RIPOR3: variants seen among roughly 807,000 people sequenced by gnomAD.
RIPOR3 encodes the protein family with sequence similarity 65 member C.
In RIPOR3, 95 loss-of-function variants were observed where a neutral mutation model predicts 114.3. The observed-to-expected ratio is 0.83, with a 90% CI of 0.70 to 0.99. The LOEUF (loss-of-function observed/expected upper bound fraction) is 0.99. Ranked by LOEUF, RIPOR3 falls within the 50% of genes least tolerant of loss-of-function variation. The pLI, the probability that RIPOR3 is intolerant of heterozygous loss-of-function variation, is 0.00. For missense variants in RIPOR3, 1,252 were observed against 1,266.9 expected, an observed-to-expected ratio of 0.99 and a Z score of 0.18; for synonymous variants, 575 against 543.8, an observed-to-expected ratio of 1.06 and a Z score of -0.80.
intron 2 of RIPOR3, among the ~76,000 whole-genome samples, chr20:50,629,339 A>G (rs1004625777): frequency 6.6e-6 from 1 of 152,144 alleles, no homozygotes; most frequent in African/African-American, 2.4e-5. Flanking sequence ...AGACAGACAG[A>G]GGTTTGGCCC....
At chr20:50,690,539 ACCT>A (rs2087176197) in intron 1 of RIPOR3, among the ~76,000 whole-genome samples, 1 of 151,864 alleles carries the variant, frequency 6.6e-6, no homozygotes, top group South Asian at 2.1e-4. Context: ...CTCCATCCAT[ACCT>A]CCTTCTCCTT....
At position 50,666,849 on chromosome 20, in the gene RIPOR3, C is replaced by T. The variant is rs575577369; in HGVS notation, c.3+24277G>A. Reference sequence around the variant, plus strand: ...TGCTGGGATTACAGGCGTGAGTCACCGCGACCAGCCTAGGACACCTATTTC... The same window carrying T: ...TGCTGGGATTACAGGCGTGAGTCACTGCGACCAGCCTAGGACACCTATTTC... On this transcript the variant is annotated intron_variant, in intron 1 of 21. Transcript: ENST00000327979. Among the ~76,000 whole-genome samples, 13 of 152,232 alleles carry T rather than the reference C, an allele frequency of 8.5e-5. No individual in the cohort carries two copies. The South Asian group carries it at 2.1e-3, about 24-fold the overall frequency.
At chr20:50,654,538 G>A (rs1310871923) in intron 1 of RIPOR3, among the ~76,000 whole-genome samples, 1 of 143,576 alleles carries the variant, frequency 7.0e-6, no homozygotes, top group Admixed American at 7.7e-5. Context: ...GTTTTTGTCT[G>A]CGTGGTTCAC....
chr20:50,589,897 G>A, intron 19 of RIPOR3, 128 bp from the exon 20 acceptor site: 1 of 740,762 alleles, frequency 1.3e-6, no homozygotes, highest in Non-Finnish European at 2.4e-6. Context: ...CAACGTTCAG[G>A]ACACGATCGG....
intron 14 of RIPOR3, among the ~76,000 whole-genome samples, chr20:50,596,807 G>C (rs1011052665): frequency 5.3e-5 from 8 of 152,228 alleles, no homozygotes; most frequent in African/African-American, 1.9e-4. Flanking sequence ...GCTCTTCCAT[G>C]TGGTGAGATG....
intron 1 of RIPOR3, among the ~76,000 whole-genome samples, chr20:50,660,832 G>A (rs1017928413): frequency 1.5e-5 from 2 of 133,650 alleles, no homozygotes; most frequent in Non-Finnish European, 3.0e-5. Flanking sequence ...ACAGCTCACT[G>A]TAGGCTCGAC....
At chr20:50,588,377 T>C (rs987295583) in intron 20 of RIPOR3, among the ~76,000 whole-genome samples, 42 of 152,232 alleles carry the variant, frequency 2.8e-4, no homozygotes, top group African/African-American at 9.6e-4. Context: ...CTTCTCCTCT[T>C]AGAATTTCCT....
chr20:50,590,952 C>T (rs984047407), intron 19 of RIPOR3, among the ~76,000 whole-genome samples: 4 of 151,838 alleles, frequency 2.6e-5, no homozygotes, highest in Non-Finnish European at 5.9e-5. Context: ...AAACAAAATA[C>T]ACCTGACTTC....
At chr20:50,682,176 T>C (rs2086881320) in intron 1 of RIPOR3, among the ~76,000 whole-genome samples, 1 of 151,704 alleles carries the variant, frequency 6.6e-6, no homozygotes, top group African/African-American at 2.4e-5. Flanking sequence ...AACTGACAAA[T>C]GGAAACAACC....
At chr20:50,613,459 AAAG>A (rs1471652007) in intron 4 of RIPOR3, among the ~76,000 whole-genome samples, 6 of 150,670 alleles carry the variant, frequency 4.0e-5, no homozygotes. Context: ...TCCCGAAAAA[AAAG>A]AAAAGAAAAG....
intron 1 of RIPOR3, among the ~76,000 whole-genome samples, chr20:50,670,647 C>T (rs910037855): frequency 7.2e-5 from 11 of 152,172 alleles, no homozygotes; most frequent in African/African-American, 2.7e-4. Flanking sequence ...AGGCACCACA[C>T]CGTCCTGTGG....
At chr20:50,651,059 C>T (rs2085585502) in intron 1 of RIPOR3, among the ~76,000 whole-genome samples, 2 of 152,026 alleles carry the variant, frequency 1.3e-5, no homozygotes, top group South Asian at 4.1e-4. Context: ...GCAACCTCTG[C>T]CTCCCGGGTT....
chr20:50,634,273 C>T (rs189360009), intron 1 of RIPOR3, among the ~76,000 whole-genome samples: 3 of 152,244 alleles, frequency 2.0e-5, no homozygotes, highest in East Asian at 1.9e-4. Context: ...TGAGCCACCG[C>T]GCCTGACCAG....
At chr20:50,636,228 G>A (rs1298414682) in intron 1 of RIPOR3, among the ~76,000 whole-genome samples, 1 of 152,218 alleles carries the variant, frequency 6.6e-6, no homozygotes, top group Non-Finnish European at 1.5e-5. Context: ...AGCCTTCAGC[G>A]GACAGCTCCT....
intron 11 of RIPOR3, among the ~76,000 whole-genome samples, chr20:50,606,823 C>A (rs536867321): frequency 6.6e-6 from 1 of 152,080 alleles, no homozygotes; most frequent in African/African-American, 2.4e-5. Flanking sequence ...TCCGCCTCCC[C>A]GGTTCAAGCG....
At chr20:50,645,585 C>T (rs193076270) in intron 1 of RIPOR3, 1 of 152,444 alleles carries the variant, frequency 6.6e-6, no homozygotes, top group African/African-American at 2.4e-5. Context: ...CACTGGGAAC[C>T]CTGTGGGCAT....
At chr20:50,667,317 G>A (rs1442853837) in intron 1 of RIPOR3, among the ~76,000 whole-genome samples, 2 of 135,028 alleles carry the variant, frequency 1.5e-5, no homozygotes, top group Admixed American at 1.6e-4. Flanking sequence ...TTTTTGAGAG[G>A]GAGTCTCGCT....
rs778413355 is a variant in RIPOR3 at position 50,620,167 on chromosome 20, G to A, written c.123-35C>T. On this transcript the variant is annotated intron_variant, in intron 2 of 21. Coordinates refer to ENST00000327979, the MANE Select transcript of RIPOR3 (RefSeq NM_001290268.2). Reference sequence around the variant, plus strand: ...GGGTTGGAGGGCAAGAGAAGTCAGAGAAGGGCCCTGACAAAGCCCTCCCCA... The same window carrying A: ...GGGTTGGAGGGCAAGAGAAGTCAGAAAAGGGCCCTGACAAAGCCCTCCCCA... The A allele has an allele frequency of 3.1e-6, 5 of 1,606,488 alleles. No individual in the cohort carries two copies. The South Asian group carries it at 3.3e-5, about 11-fold the overall frequency.
chr20:50,688,522 G>C (rs2087102345), intron 1 of RIPOR3, among the ~76,000 whole-genome samples: 1 of 152,122 alleles, frequency 6.6e-6, no homozygotes, highest in African/African-American at 2.4e-5. Context: ...TTTAACAATG[G>C]TGTGTTTAGC....
Sources: allele counts gnomAD v4.1 joint callset (sites outside exome capture counted in the v4.1 genomes callset), GRCh38; gene constraint gnomAD v4.1.1; transcripts MANE v1.5; gene names NCBI Gene and HGNC (gene_info 2026-07-23, HGNC 2026-07-21).